Variants in SH3RF1 observed in about 807,000 individuals in gnomAD.
The protein encoded by SH3RF1 is SH3 domain containing ring finger 1.
Under a neutral mutation model 74.0 loss-of-function variants are expected in SH3RF1, and 32 were observed. The ratio of observed to expected loss-of-function variants is 0.43; its 90% CI spans 0.33 to 0.58. The LOEUF (loss-of-function observed/expected upper bound fraction) is 0.58, where lower values mean the gene tolerates loss of function less well. SH3RF1 is among the 20% of genes least tolerant of loss of function. The pLI is 0.05. For synonymous variants in SH3RF1, 396 were observed against 439.6 expected, an observed-to-expected ratio of 0.90 and a Z score of 1.24; for missense variants, 954 against 1,130.9, an observed-to-expected ratio of 0.84 and a Z score of 2.24.
At chr4:169,147,790 C>T (rs770677923) in intron 4 of SH3RF1, among the ~76,000 whole-genome samples, 6 of 152,180 alleles carry the variant, frequency 3.9e-5, no homozygotes, top group Non-Finnish European at 8.8e-5. Flanking sequence ...ATATGCCACA[C>T]ATGCACACAC....
intron 2 of SH3RF1, among the ~76,000 whole-genome samples, chr4:169,236,112 C>T (rs1173777215): frequency 1.3e-5 from 2 of 152,244 alleles, no homozygotes; most frequent in Non-Finnish European, 2.9e-5. Flanking sequence ...TGTAGCCCAA[C>T]TGCCCAGATC....
intron 2 of SH3RF1, chr4:169,166,655 CA>C: frequency 9.8e-6 from 2 of 204,080 alleles, no homozygotes; most frequent in Non-Finnish European, 1.0e-5. Context: ...TGAGCCACAG[CA>C]AAAACCTTCA....
At chr4:169,266,738 T>C (rs1221605693) in intron 2 of SH3RF1, among the ~76,000 whole-genome samples, 2 of 152,114 alleles carry the variant, frequency 1.3e-5, no homozygotes, top group African/African-American at 4.8e-5. Context: ...TAGCTAGGAC[T>C]GAAGATGCAA....
chr4:169,249,242 G>GA (rs146506519), intron 2 of SH3RF1, among the ~76,000 whole-genome samples: 1 of 151,018 alleles, frequency 6.6e-6, no homozygotes, highest in East Asian at 2.0e-4. Context: ...AAAGAAAAAA[G>GA]AAAAAAAAAG....
At chr4:169,111,608 T>C (rs867048724) in intron 10 of SH3RF1, among the ~76,000 whole-genome samples, 27 of 152,062 alleles carry the variant, frequency 1.8e-4, no homozygotes, top group Middle Eastern at 6.8e-3. Flanking sequence ...CATATATACA[T>C]ATACATAAGT....
At position 169,130,133 on chromosome 4, in the gene SH3RF1, T is replaced by C; in HGVS notation, c.1092A>G (p.Leu364=). Residue 364 remains leucine, a synonymous_variant, in exon 6 of 12, where the codon TTA becomes TTG. Transcript: ENST00000284637. ...PSQVHISTTG[L]IVTPPPSSPV... ...GGCTGCTTGGGGGCGGGGTCACAAT[T>C]AACCCGGTGGTACTTATATGAACCT... 6.3e-7 allele frequency: 1 copy of C among 1,599,716 alleles called. No homozygotes were observed. The highest frequency in any genetic ancestry group is 1.8e-5 in the Admixed American group (1 of 56,504).
At chr4:169,231,091 G>T (rs1050185183) in intron 2 of SH3RF1, among the ~76,000 whole-genome samples, 1 of 152,146 alleles carries the variant, frequency 6.6e-6, no homozygotes, top group African/African-American at 2.4e-5. Flanking sequence ...GTAAATAGAA[G>T]GTGGTCGTAA....
intron 5 of SH3RF1, among the ~76,000 whole-genome samples, chr4:169,132,286 C>T (rs1733631940): frequency 6.6e-6 from 1 of 152,284 alleles, no homozygotes; most frequent in East Asian, 1.9e-4. Context: ...TCTCTAAAAG[C>T]CCAGAGTGGG....
rs1441499121 is a variant in SH3RF1 at position 169,095,325 on chromosome 4, T to C, written c.*1194A>G. The C allele has an allele frequency of 6.6e-6, 1 of 152,662 alleles. No homozygotes were observed. Among genetic ancestry groups the C allele is most frequent in the Non-Finnish European group, 1.5e-5 (1 of 68,066 alleles). The allele number at this position is 152,662 out of a possible 1,614,324, so 9.5% of individuals were successfully genotyped here. On this transcript the variant is annotated 3_prime_UTR_variant, in exon 12 of 12. Transcript: ENST00000284637. The stretch of plus-strand genomic sequence containing the variant: ...GCACTGAAGAGACCTTGGTCAGTAG[T>C]GGCTTTGGGGTAGAGAAGAGAACAC...
At chr4:169,181,422 C>T (rs1734508680) in intron 2 of SH3RF1, among the ~76,000 whole-genome samples, 1 of 151,966 alleles carries the variant, frequency 6.6e-6, no homozygotes, top group African/African-American at 2.4e-5. Flanking sequence ...GCCACCATAC[C>T]CAGCTAATTT....
intron 2 of SH3RF1, among the ~76,000 whole-genome samples, chr4:169,241,541 C>T (rs538227128): frequency 2.0e-5 from 3 of 146,830 alleles, no homozygotes; most frequent in South Asian, 2.3e-4. Flanking sequence ...TGTGCTTTGG[C>T]GCAGTCCATA....
chr4:169,106,728 A>G, intron 11 of SH3RF1, 119 bp downstream of exon 11: 1 of 815,074 alleles, frequency 1.2e-6, no homozygotes, highest in South Asian at 2.2e-5. Flanking sequence ...TATTTTCATA[A>G]GCTCAGTTTC....
In SH3RF1 at chr4:169,213,729, T is replaced by A. The variant is rs566845402; in HGVS notation, c.393+55091A>T. ...TCTGTTTCTAGATTCATTGTTTGCA[T>A]TTGAATGTCCAGTTACTCCAGCAGC... On this transcript the variant is annotated intron_variant, in intron 2 of 11. Transcript: ENST00000284637. 4.2e-4 allele frequency among the ~76,000 whole-genome samples: 64 copies of A among 152,386 alleles called. 1 individual carries two copies. The highest frequency in any genetic ancestry group is 8.2e-4 in the Non-Finnish European group (56 of 68,036).
rs1276299188 is a variant in SH3RF1, at chr4:169,095,231, A to G, written c.*1288T>C. 1 of 152,662 alleles carries G rather than the reference A, an allele frequency of 6.6e-6. No individual in the cohort carries two copies. Among genetic ancestry groups the G allele is most frequent in the African/African-American group, 2.4e-5 (1 of 41,472 alleles). 9.5% of individuals were successfully genotyped at this position (152,662 alleles called of 1,614,324 possible). On this transcript the variant is annotated 3_prime_UTR_variant, in exon 12 of 12. Transcript: ENST00000284637. ...CTTGATGTCTGTCTGCTGGGAGGACATAAAAGACCACTTTCACTAATGACT... is the reference window on the plus strand; with the variant it reads ...CTTGATGTCTGTCTGCTGGGAGGACGTAAAAGACCACTTTCACTAATGACT...
At chr4:169,261,854 TCTA>T (rs1430464714) in intron 2 of SH3RF1, among the ~76,000 whole-genome samples, 2 of 152,174 alleles carry the variant, frequency 1.3e-5, no homozygotes, top group African/African-American at 4.8e-5. Context: ...TACATCATCT[TCTA>T]CTATTACATT....
intron 10 of SH3RF1, among the ~76,000 whole-genome samples, chr4:169,114,475 A>G (rs1733297671): frequency 6.6e-6 from 1 of 152,188 alleles, no homozygotes; most frequent in Non-Finnish European, 1.5e-5. Context: ...AAACATCTTT[A>G]AAAGTTCCAG....
chr4:169,170,156 C>G (rs1044919489), intron 2 of SH3RF1, among the ~76,000 whole-genome samples: 1 of 151,668 alleles, frequency 6.6e-6, no homozygotes, highest in African/African-American at 2.4e-5. Context: ...GTTTACTAAG[C>G]CAGTTGCAGC....
At chr4:169,238,973 C>A (rs201941357) in intron 2 of SH3RF1, among the ~76,000 whole-genome samples, 115 of 137,294 alleles carry the variant, frequency 8.4e-4, no homozygotes, top group Middle Eastern at 3.7e-3. Flanking sequence ...CGCCCCCCCC[C>A]ACCCCTTGCC....
intron 2 of SH3RF1, among the ~76,000 whole-genome samples, chr4:169,216,202 A>G (rs1367073629): frequency 6.6e-6 from 1 of 152,210 alleles, no homozygotes; most frequent in Non-Finnish European, 1.5e-5. Flanking sequence ...TTAGAAGTCC[A>G]TATTCTTAGT....
Sources: allele counts gnomAD v4.1 joint callset (sites outside exome capture counted in the v4.1 genomes callset), GRCh38; gene constraint gnomAD v4.1.1; transcripts MANE v1.5; gene names NCBI Gene and HGNC (gene_info 2026-07-23, HGNC 2026-07-21).